PRRX2: variants seen among roughly 807,000 people sequenced by gnomAD.
PRRX2 encodes the protein paired related homeobox 2, also known as paired mesoderm homeobox protein 2.
In PRRX2, 11 loss-of-function variants were observed where a neutral mutation model predicts 18.0. The ratio of observed to expected loss-of-function variants is 0.61; its 90% confidence interval spans 0.39 to 1.01. The LOEUF (loss-of-function observed/expected upper bound fraction) is 1.01, where lower values mean the gene tolerates loss of function less well. Ranked by LOEUF, PRRX2 falls within the 50% of genes least tolerant of loss-of-function variation. The probability of loss-of-function intolerance (pLI) is 0.01; values close to 1 mark genes in which losing one functional copy is unlikely to be tolerated. For synonymous variants in PRRX2, 177 were observed against 154.8 expected (o/e 1.14, Z -1.06); for missense variants, 387 against 351.0 (o/e 1.10, Z -0.82).
chr9:129,696,394 G>A (rs1832422331), intron 1 of PRRX2, among the ~76,000 whole-genome samples: 1 of 152,112 alleles, frequency 6.6e-6, no homozygotes, highest in African/African-American at 2.4e-5. Flanking sequence ...GGGCAACATG[G>A]TGAAACCCCG....
intron 3 of PRRX2, among the ~76,000 whole-genome samples, chr9:129,721,855 A>C (rs1299702625): frequency 6.6e-6 from 1 of 152,178 alleles, no homozygotes; most frequent in African/African-American, 2.4e-5. Context: ...TGTTGGGATT[A>C]CAGGCGTGAG....
chr9:129,711,796 G>A (rs998553208), intron 1 of PRRX2, among the ~76,000 whole-genome samples: 2 of 152,138 alleles, frequency 1.3e-5, no homozygotes, highest in East Asian at 1.9e-4. Context: ...AGCCAGACCC[G>A]GACCGGCCAC....
intron 1 of PRRX2, among the ~76,000 whole-genome samples, chr9:129,711,113 A>T (rs564465920): frequency 6.6e-6 from 1 of 152,162 alleles, no homozygotes; most frequent in South Asian, 2.1e-4. Flanking sequence ...GCCACCAGGG[A>T]GACCCCCAGA....
At chr9:129,683,714 G>A (rs1832262040) in intron 1 of PRRX2, among the ~76,000 whole-genome samples, 1 of 151,756 alleles carries the variant, frequency 6.6e-6, no homozygotes. Context: ...CAGCATGGGC[G>A]ACAGAGCGAG....
intron 1 of PRRX2, among the ~76,000 whole-genome samples, chr9:129,708,060 G>A (rs181288909): frequency 1.9e-4 from 29 of 152,178 alleles, no homozygotes; most frequent in African/African-American, 6.5e-4. Flanking sequence ...TCAGCCTACT[G>A]GAGTCTCGCT....
At chr9:129,684,161 C>T (rs4610858) in intron 1 of PRRX2, among the ~76,000 whole-genome samples, 73,755 of 151,928 alleles carry the variant, frequency 0.49, 18,135 homozygotes, top group Non-Finnish European at 0.49. Flanking sequence ...TCTAGTTCTG[C>T]CAGGGTGAGG....
intron 1 of PRRX2, among the ~76,000 whole-genome samples, chr9:129,693,005 A>T (rs145347676): frequency 6.6e-6 from 1 of 152,160 alleles, no homozygotes; most frequent in South Asian, 2.1e-4. Flanking sequence ...ACCATTTCGC[A>T]TTCTCGCCAG....
rs1477838684 is a variant in PRRX2 at position 129,722,329 on chromosome 9, A to G, written c.739A>G (p.Ser247Gly). 1.2e-6 allele frequency: 2 copies of G among 1,613,872 alleles called. No individual in the cohort carries two copies. Among genetic ancestry groups the G allele is most frequent in the African/African-American group, 2.7e-5 (2 of 74,946 alleles). Residue 247 changes from serine to glycine, a missense_variant, in exon 4 of 4, where the codon AGC (serine) becomes GGC (glycine). Ser to Gly is a moderately conservative substitution (Grantham distance 56, BLOSUM62 0). Coordinates refer to ENST00000372469, the MANE Select transcript of PRRX2 (RefSeq NM_016307.4). ...LKAKEFSLHH[S>G]QVPTVN is the part of the protein sequence containing the mutation. ...GGCCAAGGAGTTCAGCCTGCACCAC[A>G]GCCAGGTGCCTACGGTGAACTGAAG... is the stretch of plus-strand genomic sequence containing the variant.
intron 1 of PRRX2, among the ~76,000 whole-genome samples, chr9:129,702,657 T>A (rs527818011): frequency 3.3e-5 from 5 of 152,230 alleles, no homozygotes; most frequent in Admixed American, 6.5e-5. Flanking sequence ...GTCTGAGCCA[T>A]GTCATTCCCA....
chr9:129,722,337 G>A lies in PRRX2; in HGVS notation c.747G>A (p.Val249=), dbSNP rs1386589282. 6 of 1,613,936 alleles carry A rather than the reference G, an allele frequency of 3.7e-6. No homozygotes were observed. Among genetic ancestry groups the A allele is most frequent in the Admixed American group, 1.7e-5 (1 of 60,008 alleles). ...AKEFSLHHSQ[V]PTVN ...AGTTCAGCCTGCACCACAGCCAGGT[G>A]CCTACGGTGAACTGAAGTCCAGTCC... Residue 249 remains valine (V), a synonymous_variant, in exon 4 of 4, where the codon GTG becomes GTA. Coordinates refer to ENST00000372469, the MANE Select transcript of PRRX2 (RefSeq NM_016307.4).
chr9:129,706,299 T>TAAAAATTAA (rs375386828), intron 1 of PRRX2, among the ~76,000 whole-genome samples: 1 of 79,298 alleles, frequency 1.3e-5, no homozygotes, highest in Non-Finnish European at 2.2e-5. Flanking sequence ...AATTTTTTTT[T>TAAAAATTAA]CCCAGGCGCG....
chr9:129,718,069 C>G (rs73670193), intron 1 of PRRX2, among the ~76,000 whole-genome samples: 12,091 of 151,868 alleles, frequency 0.08, 619 homozygotes, highest in African/African-American at 0.14. Context: ...GACGCCCCCC[C>G]ACCCCCTCCC....
chr9:129,677,464 G>A (rs1453283777), intron 1 of PRRX2, among the ~76,000 whole-genome samples: 2 of 152,228 alleles, frequency 1.3e-5, no homozygotes, highest in Non-Finnish European at 2.9e-5. Context: ...CTCTGCCTCT[G>A]GGGGAGGCCC....
chr9:129,705,205 TAGAG>T (rs953425380), intron 1 of PRRX2, among the ~76,000 whole-genome samples: 6 of 94,258 alleles, frequency 6.4e-5, no homozygotes, highest in Non-Finnish European at 9.5e-5. Flanking sequence ...GTCTCAGGAA[TAGAG>T]AGACTGAGCT....
At chr9:129,719,502 C>T (rs1832762205) in intron 2 of PRRX2, 84 bp downstream of exon 2, 2 of 1,372,526 alleles carry the variant, frequency 1.5e-6, no homozygotes, top group South Asian at 3.3e-5. Context: ...CACAGTTGCC[C>T]AGGAGGGGTG....
chr9:129,692,031 C>T (rs991846581), intron 1 of PRRX2, among the ~76,000 whole-genome samples: 2 of 150,272 alleles, frequency 1.3e-5, no homozygotes, highest in Admixed American at 6.6e-5. Flanking sequence ...GCAATCTCCA[C>T]CTCCTGGGTT....
Position 129,668,346 on chromosome 9 carries a change from A to G in PRRX2, c.259+2220A>G, listed in dbSNP as rs562609421. ...TGGGCTTGCCGGGACTGCAGACCCC[A>G]GGCCAGTGGGCTGAGTCTTGGGTTG... is the stretch of plus-strand genomic sequence containing the variant. On this transcript the variant is annotated intron_variant, in intron 1 of 3. Transcript: ENST00000372469. Among the ~76,000 whole-genome samples the G allele has an allele frequency of 3.0e-4, 45 of 152,300 alleles. No individual in the cohort carries two copies. In the South Asian group the frequency reaches 9.1e-3, roughly 31 times the overall value.
Position 129,699,907 on chromosome 9 carries a change from CA to C in PRRX2, c.260-19323del, listed in dbSNP as rs375958245. 4.6e-5 allele frequency among the ~76,000 whole-genome samples: 7 copies of C among 152,302 alleles called. No individual in the cohort carries two copies. The East Asian group carries it at 5.8e-4, about 13-fold the overall frequency. On this transcript the variant is annotated intron_variant, in intron 1 of 3. Transcript: ENST00000372469. ...GTTCAGGAGAGAGACCTCAGCGTGCCAGGCACATGGTTGCTTCTGCCTCTCA... is the reference window on the plus strand; with the variant it reads ...GTTCAGGAGAGAGACCTCAGCGTGCCGGCACATGGTTGCTTCTGCCTCTCA...
At chr9:129,719,760 G>A (rs1457089869) in intron 2 of PRRX2, among the ~76,000 whole-genome samples, 1 of 152,198 alleles carries the variant, frequency 6.6e-6, no homozygotes, top group Non-Finnish European at 1.5e-5. Context: ...GCCGAGGTGG[G>A]TGGATCACTT....
Sources: gnomAD v4.1 joint callset for allele counts (sites outside exome capture counted in the v4.1 genomes callset) on GRCh38, gnomAD v4.1.1 for gene constraint, MANE v1.5 for transcripts, NCBI Gene and HGNC (gene_info 2026-07-23, HGNC 2026-07-21) for gene names.